TK2: variants seen among roughly 807,000 people sequenced by gnomAD.
TK2 encodes thymidine kinase 2.
In TK2, 35 loss-of-function variants were observed where a neutral mutation model predicts 41.9. The ratio of observed to expected loss-of-function variants is 0.84; its 90% CI spans 0.64 to 1.11. TK2 has a LOEUF of 1.11. Among genes scored for constraint, TK2 ranks in the 50% least tolerant of loss-of-function variants. TK2 has a pLI of 0.00. For synonymous variants in TK2, 128 were observed against 129.1 expected, an observed-to-expected ratio of 0.99 and a Z score of 0.06; for missense variants, 320 against 351.1, an observed-to-expected ratio of 0.91 and a Z score of 0.71.
chr16:66,523,140 G>A (rs1023433173), intron 6 of TK2, among the ~76,000 whole-genome samples: 10 of 152,152 alleles, frequency 6.6e-5, no homozygotes, highest in Non-Finnish European at 1.2e-4. Context: ...CTGGGGACCT[G>A]AGCCTGCCAT....
chr16:66,523,310 G>A (rs887260286), intron 6 of TK2, among the ~76,000 whole-genome samples: 14 of 152,162 alleles, frequency 9.2e-5, no homozygotes, highest in Admixed American at 2.0e-4. Flanking sequence ...CCTTTTCCTA[G>A]AGCATCCCAG....
At chr16:66,522,149 G>A (rs1337595476) in intron 6 of TK2, among the ~76,000 whole-genome samples, 6 of 151,962 alleles carry the variant, frequency 3.9e-5, no homozygotes, top group African/African-American at 1.5e-4. Context: ...TGCACCACCC[G>A]CCCACCCCAG....
intron 6 of TK2, among the ~76,000 whole-genome samples, chr16:66,524,407 C>T (rs1246266504): frequency 6.6e-6 from 1 of 152,188 alleles, no homozygotes; most frequent in Non-Finnish European, 1.5e-5. Flanking sequence ...ATGCTCATAG[C>T]TCACTGCAGC....
At chr16:66,519,527 A>G (rs1458522918) in intron 6 of TK2, among the ~76,000 whole-genome samples, 1 of 152,222 alleles carries the variant, frequency 6.6e-6, no homozygotes, top group East Asian at 1.9e-4. Context: ...AAAAGGCAAG[A>G]AAGTGGGAAG....
At chr16:66,544,992 C>T (rs1965561496) in intron 2 of TK2, among the ~76,000 whole-genome samples, 1 of 149,742 alleles carries the variant, frequency 6.7e-6, no homozygotes, top group African/African-American at 2.5e-5. Flanking sequence ...GAGGCTGATG[C>T]AAGAGAATCG....
intron 6 of TK2, among the ~76,000 whole-genome samples, chr16:66,524,389 G>A (rs1964868447): frequency 6.6e-6 from 1 of 152,118 alleles, no homozygotes; most frequent in African/African-American, 2.4e-5. Flanking sequence ...GGGCTGGAGT[G>A]CAGTGGTATG....
chr16:66,513,728 T>C lies in TK2; in HGVS notation c.699+3A>G. The C allele has an allele frequency of 1.2e-6, 2 of 1,613,694 alleles. No individual in the cohort carries two copies. Among genetic ancestry groups the C allele is most frequent in the East Asian group, 4.5e-5 (2 of 44,848 alleles). ...TCGTACCCTGTAAGGGAGTCTTACT[T>C]ACCAGAACAGGGGCTGCCATGGGGA... On this transcript the variant is annotated splice_donor_region_variant and intron_variant, in intron 9 of 9. Coordinates refer to ENST00000544898, the MANE Select transcript of TK2 (RefSeq NM_004614.5).
At chr16:66,532,633 T>G (rs1392520982) in intron 4 of TK2, among the ~76,000 whole-genome samples, 1 of 151,324 alleles carries the variant, frequency 6.6e-6, no homozygotes, top group Non-Finnish European at 1.5e-5. Flanking sequence ...ATTAATTAAT[T>G]AATAAAAGTA....
In TK2 at chr16:66,531,387, C is replaced by G; in HGVS notation, c.368G>C (p.Arg123Pro). The change falls in exon 5 of 10, where the codon CGT (arginine) becomes CCT (proline). Residue 123 changes from arginine to proline, a missense_variant. By Grantham distance (103) the Arg-to-Pro change is moderately radical. Coordinates refer to ENST00000544898, the MANE Select transcript of TK2 (RefSeq NM_004614.5). ...VQLTMLDRHT[R>P]PQVSSVRLME... is the part of the protein sequence containing the mutation. ...TGAGCATCTGAAACCTACCTGAGGA[C>G]GAGTATGCCTGTCCAGCATGGTGAG... The G allele has an allele frequency of 6.2e-7, 1 of 1,614,168 alleles. No homozygotes were observed. The highest frequency in any genetic ancestry group is 1.3e-5 in the African/African-American group (1 of 75,020).
rs981402261 is a variant in TK2 at position 66,517,794 on chromosome 16, A to C, written c.533T>G (p.Leu178Trp). ...ILRNMDVSVD[L>W]IVYLRTNPET... ...GTGGGAGGGGTGCATCTCACCTATC[A>C]AATCAACAGACACGTCCATGTTCCT... The change falls in exon 7 of 10, where the codon TTG (leucine) becomes TGG (tryptophan). Residue 178 changes from leucine (L) to tryptophan (W), a missense_variant. Physicochemically the swap from Leu to Trp is moderately conservative, Grantham distance 61 (BLOSUM62 -2). Transcript: ENST00000544898. This position sits in a 1 kb window ranked among gnomAD's most constrained non-coding sequence, Gnocchi z 4.3. 6.2e-7 allele frequency: 1 copy of C among 1,614,048 alleles called. No individual in the cohort carries two copies. The highest frequency in any genetic ancestry group is 8.5e-7 in the Non-Finnish European group (1 of 1,179,956).
rs373264612 is a variant in TK2 at position 66,512,012 on chromosome 16, G to A, written c.754C>T (p.Arg252Trp). 8 of 1,614,158 alleles carry A rather than the reference G, an allele frequency of 5.0e-6. No individual in the cohort carries two copies. Among genetic ancestry groups the A allele is most frequent in the East Asian group, 2.2e-5 (1 of 44,872 alleles). ...ERMLELFEQN[R>W]DRILTPENRK... is the part of the protein sequence containing the mutation. Reference sequence around the variant, plus strand: ...TTCTCTGGAGTTAATATTCGATCCCGATTTTGTTCAAAGAGTTCTAACATC... The same window carrying A: ...TTCTCTGGAGTTAATATTCGATCCCAATTTTGTTCAAAGAGTTCTAACATC... Residue 252 changes from arginine (R) to tryptophan (W), a missense_variant, in exon 10 of 10, where the codon CGG becomes TGG. Transcript: ENST00000544898.
intron 6 of TK2, 123 bp downstream of exon 6, chr16:66,528,871 T>C: frequency 1.1e-6 from 1 of 904,576 alleles, no homozygotes; most frequent in Non-Finnish European, 1.8e-6. Flanking sequence ...ACCGCATTGC[T>C]ATGGCAATGG....
Position 66,517,179 on chromosome 16 carries a change from C to G in TK2, c.575G>C (p.Arg192Thr). The change falls in exon 8 of 10, where the codon AGG (arginine) becomes ACG (threonine). Residue 192 changes from arginine (R) to threonine (T), a missense_variant. Arg to Thr is a moderately conservative substitution (Grantham distance 71, BLOSUM62 -1). Transcript: ENST00000544898. This position sits in a 1 kb window ranked among gnomAD's most constrained non-coding sequence, Gnocchi z 4.3. ...LRTNPETCYQ[R>T]LKKRCREEEK... ...CTCTTCCCTGCATCTCTTCTTTAAC[C>G]TCTGGTAACAAGTCTCAGGATTGGT... 1 of 1,614,162 alleles carries G rather than the reference C, an allele frequency of 6.2e-7. No homozygotes were observed. Among genetic ancestry groups the G allele is most frequent in the Non-Finnish European group, 8.5e-7 (1 of 1,180,018 alleles).
chr16:66,523,353 C>G (rs1395117166), intron 6 of TK2, among the ~76,000 whole-genome samples: 1 of 152,216 alleles, frequency 6.6e-6, no homozygotes, highest in African/African-American at 2.4e-5. Context: ...CAGGCAGGAG[C>G]TGACGCCCCA....
In TK2 at chr16:66,511,564, G is replaced by T. The variant is rs920490337; in HGVS notation, c.*404C>A. On this transcript the variant is annotated 3_prime_UTR_variant, in exon 10 of 10. Coordinates refer to ENST00000544898, the MANE Select transcript of TK2 (RefSeq NM_004614.5). Reference sequence around the variant, plus strand: ...CTGGGGAGCCCCTCAACCTTTCTGAGCTTCAAATTCCTCACCTGGGATATA... The same window carrying T: ...CTGGGGAGCCCCTCAACCTTTCTGATCTTCAAATTCCTCACCTGGGATATA... The T allele has an allele frequency of 3.0e-6, 1 of 334,778 alleles. No individual in the cohort carries two copies. Among genetic ancestry groups the T allele is most frequent in the Admixed American group, 4.2e-5 (1 of 23,574 alleles). 20.7% of individuals were successfully genotyped at this position (334,778 alleles called of 1,614,324 possible). A position where few individuals can be genotyped will look rare whatever the true frequency, so the allele number is the denominator to read the frequency against.
chr16:66,530,824 T>A (rs1965088030), intron 5 of TK2, among the ~76,000 whole-genome samples: 1 of 151,890 alleles, frequency 6.6e-6, no homozygotes, highest in South Asian at 2.1e-4. Flanking sequence ...TTCAAGCCAT[T>A]CTCCTGCCTC....
chr16:66,529,087 G>T lies in TK2; in HGVS notation c.376-20C>A. 6.2e-7 allele frequency: 1 copy of T among 1,612,342 alleles called. No individual in the cohort carries two copies. Among genetic ancestry groups the T allele is most frequent in the Non-Finnish European group, 8.5e-7 (1 of 1,178,818 alleles). On this transcript the variant is annotated intron_variant, in intron 5 of 9. Coordinates refer to ENST00000544898, the MANE Select transcript of TK2 (RefSeq NM_004614.5). ...TGACACCTAAAGGAAAACAAAAAGA[G>T]AATCACTAACTCAGGGGAAAAGGAG... is the stretch of plus-strand genomic sequence containing the variant.
chr16:66,534,991 AT>A (rs1420662782), intron 4 of TK2, among the ~76,000 whole-genome samples: 1 of 151,806 alleles, frequency 6.6e-6, no homozygotes, highest in Admixed American at 6.6e-5. Context: ...CCTTTTCCTC[AT>A]TTTTGCTTTT....
intron 4 of TK2, among the ~76,000 whole-genome samples, chr16:66,533,939 C>A (rs1364351288): frequency 7.5e-6 from 1 of 133,406 alleles, no homozygotes; most frequent in African/African-American, 2.9e-5. Context: ...ACCCAGGAGG[C>A]GGAGCTTGCA....
Sources: allele counts gnomAD v4.1 joint callset (sites outside exome capture counted in the v4.1 genomes callset), GRCh38; gene constraint gnomAD v4.1.1; non-coding constraint Gnocchi (gnomAD v3.1); transcripts MANE v1.5; gene names NCBI Gene and HGNC (gene_info 2026-07-23, HGNC 2026-07-21).